The following PLCH1 variants were observed in gnomAD, a reference collection of about 807,000 sequenced individuals.
The protein encoded by PLCH1 is 1-phosphatidylinositol 4,5-bisphosphate phosphodiesterase eta-1.
A neutral mutation model predicts 126.7 loss-of-function variants in PLCH1; 60 were observed. The observed-to-expected ratio is 0.47, with a 90% CI of 0.38 to 0.59. The LOEUF (loss-of-function observed/expected upper bound fraction) is 0.59, where lower values mean the gene tolerates loss of function less well. Ranked by LOEUF, PLCH1 falls within the 20% of genes least tolerant of loss-of-function variation. The pLI, the probability that PLCH1 is intolerant of heterozygous loss-of-function variation, is 0.00. For missense variants in PLCH1, 1,723 were observed against 2,040.0 expected, an observed-to-expected ratio of 0.84 and a Z score of 2.99; for synonymous variants, 719 against 734.9, an observed-to-expected ratio of 0.98 and a Z score of 0.35.
chr3:155,611,243 G>C (rs1263427409), intron 2 of PLCH1, among the ~76,000 whole-genome samples: 1 of 151,954 alleles, frequency 6.6e-6, no homozygotes, highest in East Asian at 1.9e-4. Context: ...ACAAAAATTA[G>C]CCAGGCATCG....
At chr3:155,567,676 G>A (rs567054048) in intron 7 of PLCH1, among the ~76,000 whole-genome samples, 26 of 152,172 alleles carry the variant, frequency 1.7e-4, no homozygotes, top group Non-Finnish European at 3.4e-4. Context: ...TATTATTTAC[G>A]TCTAACATTT....
intron 2 of PLCH1, among the ~76,000 whole-genome samples, chr3:155,639,200 G>T (rs9828965): frequency 0.48 from 72,599 of 152,022 alleles, 19,327 homozygotes; most frequent in East Asian, 0.71. Context: ...TGCTCACACC[G>T]GTAATGTCAG....
chr3:155,458,574 GAAA>G (rs1353528074), intron 21 of PLCH1, among the ~76,000 whole-genome samples: 3 of 150,954 alleles, frequency 2.0e-5, no homozygotes, highest in South Asian at 2.1e-4. Flanking sequence ...AAGAAAGAAA[GAAA>G]GAAAGGAAGA....
intron 13 of PLCH1, among the ~76,000 whole-genome samples, chr3:155,501,518 C>G (rs1341076927): frequency 6.6e-6 from 1 of 152,098 alleles, no homozygotes; most frequent in Admixed American, 6.5e-5. Context: ...ATGGGCCGGG[C>G]GTGGTGGCTC....
intron 21 of PLCH1, chr3:155,486,160 A>G: frequency 6.5e-7 from 1 of 1,545,646 alleles, no homozygotes; most frequent in Non-Finnish European, 8.8e-7. Context: ...TGTAGCTCCT[A>G]GAAAGTGCAA....
intron 1 of PLCH1, among the ~76,000 whole-genome samples, chr3:155,719,747 T>C (rs1747803298): frequency 6.6e-6 from 1 of 152,070 alleles, no homozygotes; most frequent in South Asian, 2.1e-4. Context: ...AATGCCATTA[T>C]TTCATTCCTC....
intron 10 of PLCH1, among the ~76,000 whole-genome samples, chr3:155,540,775 C>T (rs1576953660): frequency 1.3e-5 from 2 of 152,232 alleles, no homozygotes; most frequent in East Asian, 1.9e-4. Flanking sequence ...GAAAACAGAA[C>T]ACTTTTACAC....
intron 13 of PLCH1, among the ~76,000 whole-genome samples, chr3:155,501,586 A>G (rs1326631399): frequency 6.6e-6 from 1 of 152,128 alleles, no homozygotes; most frequent in Admixed American, 6.5e-5. Context: ...TGAGGTCACA[A>G]GTTCAAGACC....
chr3:155,483,472 T>C (rs1261517028), intron 22 of PLCH1: 1 of 644,850 alleles, frequency 1.6e-6, no homozygotes, highest in Admixed American at 3.6e-5. Flanking sequence ...CTTTCAAAGT[T>C]ATACATGTAT....
At chr3:155,737,113 T>C (rs1231787083) in intron 1 of PLCH1, among the ~76,000 whole-genome samples, 2 of 149,816 alleles carry the variant, frequency 1.3e-5, no homozygotes, top group Non-Finnish European at 3.0e-5. Context: ...ACGTCTGTAG[T>C]CCCAGCTACT....
intron 2 of PLCH1, among the ~76,000 whole-genome samples, chr3:155,659,397 G>A (rs1399841029): frequency 9.4e-5 from 12 of 128,274 alleles, no homozygotes; most frequent in African/African-American, 2.6e-4. Flanking sequence ...GCATGATCAC[G>A]GCTCACTGCC....
intron 13 of PLCH1, 59 bp from the exon 14 acceptor site, chr3:155,500,853 T>C (rs1196775938): frequency 1.9e-5 from 21 of 1,104,094 alleles, no homozygotes; most frequent in Non-Finnish European, 2.8e-5. Context: ...ATTTACAACA[T>C]GCAGAGAATG....
At chr3:155,467,625 T>C (rs550000948) in intron 21 of PLCH1, among the ~76,000 whole-genome samples, 2 of 149,636 alleles carry the variant, frequency 1.3e-5, no homozygotes, top group African/African-American at 4.9e-5. Context: ...TAACATACAA[T>C]AGAGTTACAA....
chr3:155,646,226 T>C (rs1740035909), intron 2 of PLCH1, among the ~76,000 whole-genome samples: 2 of 152,156 alleles, frequency 1.3e-5, no homozygotes, highest in Non-Finnish European at 2.9e-5. Context: ...AAGAAATGGT[T>C]ATACACCCAC....
At chr3:155,473,613 G>A (rs1280586774) in intron 21 of PLCH1, among the ~76,000 whole-genome samples, 74 of 151,312 alleles carry the variant, frequency 4.9e-4, no homozygotes, top group Middle Eastern at 6.8e-3. Context: ...AGCCCGCATC[G>A]CCAAGGAAAT....
At chr3:155,471,492 C>G (rs1383780712) in intron 21 of PLCH1, among the ~76,000 whole-genome samples, 2 of 145,730 alleles carry the variant, frequency 1.4e-5, no homozygotes, top group African/African-American at 5.1e-5. Flanking sequence ...ACTTTAACAC[C>G]CCACTGTCAA....
intron 18 of PLCH1, among the ~76,000 whole-genome samples, chr3:155,492,286 C>T (rs115807003): frequency 8.9e-4 from 136 of 152,244 alleles, no homozygotes; most frequent in Middle Eastern, 3.4e-3. Flanking sequence ...TAAAATCACG[C>T]GACACAGGTA....
intron 1 of PLCH1, among the ~76,000 whole-genome samples, chr3:155,734,621 T>C (rs1025635277): frequency 3.3e-5 from 5 of 152,092 alleles, no homozygotes; most frequent in Admixed American, 3.3e-4. Flanking sequence ...AGCGAAGTTA[T>C]GGAATCTGAC....
intron 10 of PLCH1, among the ~76,000 whole-genome samples, chr3:155,530,505 G>A (rs891432321): frequency 6.6e-6 from 1 of 151,986 alleles, no homozygotes; most frequent in Non-Finnish European, 1.5e-5. Context: ...TTTTAGTAGA[G>A]ACGGGGTTTC....
Sources: gnomAD v4.1 joint callset for allele counts (sites outside exome capture counted in the v4.1 genomes callset) on GRCh38, gnomAD v4.1.1 for gene constraint, MANE v1.5 for transcripts, NCBI Gene and HGNC (gene_info 2026-07-23, HGNC 2026-07-21) for gene names.